The following AKR1C3 variants were observed in gnomAD, a reference collection of about 807,000 sequenced individuals.
The protein encoded by AKR1C3 is aldo-keto reductase family 1 member C3, also known as 3-alpha hydroxysteroid dehydrogenase, type II.
AKR1C3 carries 48 observed loss-of-function variants against 43.6 expected under a neutral mutation model. That is an observed-to-expected ratio of 1.10 (90% CI 0.87 to 1.40). The LOEUF is 1.40. AKR1C3 is among the 40% of genes most tolerant of loss of function. AKR1C3 has a pLI of 0.00. For missense variants in AKR1C3, 482 were observed against 391.2 expected (o/e 1.23, Z -1.96); for synonymous variants, 162 against 139.6 (o/e 1.16, Z -1.13).
intron 1 of AKR1C3, among the ~76,000 whole-genome samples, chr10:5,053,366 T>G (rs1368613561): frequency 6.6e-6 from 1 of 152,198 alleles, no homozygotes; most frequent in Non-Finnish European, 1.5e-5. Flanking sequence ...CTCACTGCCC[T>G]GGGCTTGCAG....
At chr10:5,066,587 A>G (rs1554780820) in intron 1 of AKR1C3, among the ~76,000 whole-genome samples, 1 of 152,188 alleles carries the variant, frequency 6.6e-6, no homozygotes, top group East Asian at 1.9e-4. Context: ...TATTATGACT[A>G]TTGGGAGCAT....
chr10:5,069,460 T>C (rs1329297899), intron 1 of AKR1C3, among the ~76,000 whole-genome samples: 2 of 152,238 alleles, frequency 1.3e-5, no homozygotes, highest in Admixed American at 6.5e-5. Context: ...TTCTGAATTA[T>C]ACAAAGTTAT....
At chr10:5,059,320 AAG>A in intron 1 of AKR1C3, among the ~76,000 whole-genome samples, 1 of 152,224 alleles carries the variant, frequency 6.6e-6, no homozygotes, top group Non-Finnish European at 1.5e-5. Flanking sequence ...GAAGAGAGTC[AAG>A]AGAAAGTTTC....
At chr10:5,089,325 T>C (rs1839036377) in intron 1 of AKR1C3, among the ~76,000 whole-genome samples, 1 of 151,804 alleles carries the variant, frequency 6.6e-6, no homozygotes, top group African/African-American at 2.4e-5. Context: ...GCATTATTTC[T>C]TCTACTATGT....
chr10:5,083,164 G>A lies in AKR1C3; in HGVS notation c.85-13246G>A, dbSNP rs555795786. Among the ~76,000 whole-genome samples, 97 of 152,140 alleles carry A rather than the reference G, an allele frequency of 6.4e-4. No homozygotes were observed. In the South Asian group the frequency reaches 0.02, roughly 31 times the overall value. ...ATATGTATACATGTGCCATGTTGGTGTGCTGCACCCATTAACTTGTCATTT... is the reference window on the plus strand; with the variant it reads ...ATATGTATACATGTGCCATGTTGGTATGCTGCACCCATTAACTTGTCATTT... On this transcript the variant is annotated intron_variant, in intron 1 of 8. Coordinates refer to the AKR1C3 transcript ENST00000439082.
At chr10:5,073,564 A>T (rs1554781522) in intron 1 of AKR1C3, among the ~76,000 whole-genome samples, 1 of 152,206 alleles carries the variant, frequency 6.6e-6, no homozygotes, top group African/African-American at 2.4e-5. Context: ...AGTCTTACCC[A>T]CATGACTCAG....
At chr10:5,048,884 G>C (rs140062662) in exon 1 of AKR1C3, 16 of 1,613,452 alleles carry the variant, frequency 9.9e-6, no homozygotes, top group Non-Finnish European at 1.4e-5. Context: ...TGGCACCTAT[G>C]CACCTCCAGA....
chr10:5,091,377 G>A (rs1839085379), upstream of AKR1C3, among the ~76,000 whole-genome samples: 1 of 152,094 alleles, frequency 6.6e-6, no homozygotes, highest in South Asian at 2.1e-4. Context: ...GGTTCAATGG[G>A]CTAATGTCAA....
At chr10:5,067,895 C>A (rs1429162750) in intron 1 of AKR1C3, among the ~76,000 whole-genome samples, 3 of 152,148 alleles carry the variant, frequency 2.0e-5, no homozygotes, top group Non-Finnish European at 4.4e-5. Flanking sequence ...CTCCATGAGT[C>A]TAAACTTGAT....
intron 1 of AKR1C3, among the ~76,000 whole-genome samples, chr10:5,055,646 G>T (rs1838244413): frequency 6.7e-6 from 1 of 149,916 alleles, no homozygotes; most frequent in Admixed American, 6.6e-5. Flanking sequence ...GTCTGAGTAA[G>T]GACTCCAAGA....
At chr10:5,099,710 C>G (rs1839300864) in intron 5 of AKR1C3, 1 of 504,182 alleles carries the variant, frequency 2.0e-6, no homozygotes, top group Non-Finnish European at 3.4e-6. Context: ...GGCCTGGAAT[C>G]ATCAATTAGA....
intron 1 of AKR1C3, among the ~76,000 whole-genome samples, chr10:5,075,443 T>G (rs1554781716): frequency 6.7e-6 from 1 of 149,738 alleles, no homozygotes; most frequent in East Asian, 2.0e-4. Context: ...GTGAAGTATT[T>G]CTCACTGTGT....
intron 1 of AKR1C3, among the ~76,000 whole-genome samples, chr10:5,075,439 T>G (rs2131809693): frequency 6.6e-6 from 1 of 150,860 alleles, no homozygotes; most frequent in East Asian, 2.0e-4. Flanking sequence ...TTGAGTGAAG[T>G]ATTTCTCACT....
At chr10:5,058,682 T>G (rs1406675023) in intron 1 of AKR1C3, among the ~76,000 whole-genome samples, 3 of 152,210 alleles carry the variant, frequency 2.0e-5, no homozygotes, top group Non-Finnish European at 4.4e-5. Flanking sequence ...TGGACCCTGC[T>G]GGTTGGAATA....
intron 1 of AKR1C3, among the ~76,000 whole-genome samples, chr10:5,079,700 C>T (rs535960122): frequency 6.6e-6 from 1 of 152,060 alleles, no homozygotes; most frequent in South Asian, 2.1e-4. Flanking sequence ...TCTCTCTCCC[C>T]CATTACCTGA....
chr10:5,091,250 G>A (rs1400070614), upstream of AKR1C3, among the ~76,000 whole-genome samples: 2 of 152,098 alleles, frequency 1.3e-5, no homozygotes, highest in Non-Finnish European at 2.9e-5. Context: ...GAGAATTGCT[G>A]AAATTACGTC....
At chr10:5,105,826 C>G (rs782245953) in intron 8 of AKR1C3, 149 bp downstream of exon 8, 25 of 652,926 alleles carry the variant, frequency 3.8e-5, no homozygotes, top group Non-Finnish European at 6.8e-5. Flanking sequence ...CACTCCAGAG[C>G]TCTGTTCTCT....
chr10:5,100,343 G>A (rs1554785762), intron 5 of AKR1C3, among the ~76,000 whole-genome samples: 1 of 152,174 alleles, frequency 6.6e-6, no homozygotes, highest in African/African-American at 2.4e-5. Flanking sequence ...TGTTCACAGT[G>A]GATGAAATCA....
chr10:5,089,981 T>G (rs918983593), upstream of AKR1C3, among the ~76,000 whole-genome samples: 8 of 152,196 alleles, frequency 5.3e-5, no homozygotes, highest in African/African-American at 1.7e-4. Context: ...TTGGCTTTGC[T>G]TCAATAGCCC....
Sources: gnomAD v4.1 joint callset for allele counts (sites outside exome capture counted in the v4.1 genomes callset) on GRCh38, gnomAD v4.1.1 for gene constraint, MANE v1.5 for transcripts, NCBI Gene and HGNC (gene_info 2026-07-23, HGNC 2026-07-21) for gene names.